EEA1: variants seen among roughly 807,000 people sequenced by gnomAD.
EEA1 encodes early endosome antigen 1.
Under a neutral mutation model 209.2 loss-of-function variants are expected in EEA1, and 111 were observed. The ratio of observed to expected loss-of-function variants is 0.53; its 90% confidence interval spans 0.45 to 0.62. EEA1 has a LOEUF of 0.62. EEA1 is among the 20% of genes least tolerant of loss of function. EEA1 has a pLI of 0.00. For missense variants in EEA1, 1,343 were observed against 1,530.8 expected (o/e 0.88, Z 2.05); for synonymous variants, 536 against 540.6 (o/e 0.99, Z 0.12).
At chr12:92,886,470 A>T (rs1388074907) in intron 2 of EEA1, among the ~76,000 whole-genome samples, 2 of 48,656 alleles carry the variant, frequency 4.1e-5, no homozygotes, top group South Asian at 3.0e-3. Context: ...AGGGGAGAGG[A>T]GGGGAAAGGA....
intron 15 of EEA1, among the ~76,000 whole-genome samples, chr12:92,814,606 C>CGG (rs11374808): frequency 1.5e-3 from 75 of 50,178 alleles, no homozygotes; most frequent in African/African-American, 2.7e-3. Context: ...TGATGGGGGG[C>CGG]GGGGGGGGAA....
intron 15 of EEA1, among the ~76,000 whole-genome samples, chr12:92,815,014 T>G (rs542720143): frequency 6.6e-6 from 1 of 152,276 alleles, no homozygotes; most frequent in Admixed American, 6.5e-5. Context: ...AGCACTAGGT[T>G]TTTCTCAGAG....
chr12:92,831,834 C>A (rs1175409343), intron 11 of EEA1, among the ~76,000 whole-genome samples: 1 of 151,024 alleles, frequency 6.6e-6, no homozygotes, highest in Non-Finnish European at 1.5e-5. Flanking sequence ...GCCTGTAATC[C>A]CAGCACTTTG....
At chr12:92,797,053 T>C (rs146280750) in intron 21 of EEA1, among the ~76,000 whole-genome samples, 2,032 of 152,270 alleles carry the variant, frequency 0.013, 45 homozygotes, top group African/African-American at 0.047. Context: ...AAATAGTTGT[T>C]TTACTGTATT....
At chr12:92,808,238 G>A (rs995543712) in intron 18 of EEA1, among the ~76,000 whole-genome samples, 10 of 152,132 alleles carry the variant, frequency 6.6e-5, no homozygotes, top group African/African-American at 2.2e-4. Context: ...GTATTGACTA[G>A]AAGGGCAAGT....
At chr12:92,912,334 A>G (rs1162410166) in intron 1 of EEA1, among the ~76,000 whole-genome samples, 1 of 152,008 alleles carries the variant, frequency 6.6e-6, no homozygotes, top group African/African-American at 2.4e-5. Flanking sequence ...CCTCCCCTAC[A>G]TAAACTCTGG....
chr12:92,879,948 T>C (rs1316302292), intron 2 of EEA1, among the ~76,000 whole-genome samples: 1 of 152,170 alleles, frequency 6.6e-6, no homozygotes, highest in Non-Finnish European at 1.5e-5. Context: ...CCCACAGACT[T>C]ATCCAAACAA....
chr12:92,862,104 C>A (rs1367415522), intron 3 of EEA1, among the ~76,000 whole-genome samples: 1 of 152,166 alleles, frequency 6.6e-6, no homozygotes, highest in Non-Finnish European at 1.5e-5. Context: ...ATCTAAAAGA[C>A]ATAGCCTGCT....
At chr12:92,900,615 G>A (rs968749141) in intron 1 of EEA1, among the ~76,000 whole-genome samples, 17 of 150,934 alleles carry the variant, frequency 1.1e-4, no homozygotes, top group East Asian at 7.7e-4. Context: ...AGTAAATGGC[G>A]AAAATGTTTT....
chr12:92,780,712 A>G (rs1053219089), intron 23 of EEA1, among the ~76,000 whole-genome samples: 8 of 152,190 alleles, frequency 5.3e-5, no homozygotes, highest in Admixed American at 5.2e-4. Flanking sequence ...TTTTATTACT[A>G]TCACTATCTT....
chr12:92,842,513 T>G lies in EEA1; in HGVS notation c.867A>C (p.Glu289Asp), dbSNP rs754472349. 3.7e-6 allele frequency: 6 copies of G among 1,609,956 alleles called. No individual in the cohort carries two copies. The Admixed American group carries it at 1.0e-4, about 27-fold the overall frequency. ...GPQEVAVYVQ[E>D]LQKLKSSVNE... ...TAACTGAACTTTTCAGTTTTTGTAG[T>G]TCCTGTACATATACAGCAACTTCCT... is the stretch of plus-strand genomic sequence containing the variant. Residue 289 changes from glutamate to aspartate, a missense_variant, in exon 10 of 29, where the codon GAA becomes GAC. Glu to Asp is a conservative substitution (Grantham distance 45). Transcript: ENST00000322349.
intron 2 of EEA1, among the ~76,000 whole-genome samples, chr12:92,877,751 T>C (rs1319697078): frequency 6.6e-6 from 1 of 152,092 alleles, no homozygotes; most frequent in African/African-American, 2.4e-5. Context: ...GATCTCGTGA[T>C]CTTGGCCTCC....
intron 3 of EEA1, among the ~76,000 whole-genome samples, chr12:92,857,922 A>G (rs1025901676): frequency 6.6e-6 from 1 of 152,192 alleles, no homozygotes; most frequent in Non-Finnish European, 1.5e-5. Flanking sequence ...TCCATCTTTC[A>G]TACTGAGAAA....
intron 2 of EEA1, chr12:92,884,843 C>G (rs1316481464): frequency 1.2e-5 from 8 of 645,018 alleles, no homozygotes; most frequent in Non-Finnish European, 2.3e-5. Flanking sequence ...TAGACAAATA[C>G]TCATGGGTAT....
chr12:92,928,943 G>T, intron 1 of EEA1, 100 bp downstream of exon 1: 1 of 1,323,136 alleles, frequency 7.6e-7, no homozygotes, highest in Non-Finnish European at 1.0e-6. Flanking sequence ...GGGGCCTAGG[G>T]AAGGAAGGAG....
chr12:92,906,018 C>T (rs1012673084), intron 1 of EEA1, among the ~76,000 whole-genome samples: 2 of 151,992 alleles, frequency 1.3e-5, no homozygotes, highest in Admixed American at 1.3e-4. Context: ...GCCATCCTCC[C>T]GCCTCAGCCT....
In EEA1 at chr12:92,781,994, A is replaced by G; in HGVS notation, c.3292T>C (p.Leu1098=). The G allele has an allele frequency of 6.2e-7, 1 of 1,613,352 alleles. No homozygotes were observed. The highest frequency in any genetic ancestry group is 8.5e-7 in the Non-Finnish European group (1 of 1,179,548). ...EQDSAKKEQQ[L]QERCKALQDI... Reference sequence around the variant, plus strand: ...TGTAGTGCTTTACATCGCTCCTGCAATTGCTGTTCTTTCTTTGCTGAATCC... The same window carrying G: ...TGTAGTGCTTTACATCGCTCCTGCAGTTGCTGTTCTTTCTTTGCTGAATCC... The change falls in exon 23 of 29, where the codon TTG becomes CTG. Residue 1098 remains leucine, a synonymous_variant. Coordinates refer to ENST00000322349, the MANE Select transcript of EEA1 (RefSeq NM_003566.4).
At chr12:92,840,051 T>C (rs1439789990) in intron 10 of EEA1, among the ~76,000 whole-genome samples, 1 of 152,230 alleles carries the variant, frequency 6.6e-6, no homozygotes, top group African/African-American at 2.4e-5. Context: ...TTCAAGCTCA[T>C]ACACATGGCT....
intron 19 of EEA1, among the ~76,000 whole-genome samples, chr12:92,802,093 T>C (rs1380725807): frequency 3.3e-5 from 5 of 151,916 alleles, no homozygotes; most frequent in Non-Finnish European, 5.9e-5. Flanking sequence ...ATGATCACAA[T>C]AGGAAAAGTG....
Sources: allele counts gnomAD v4.1 joint callset (sites outside exome capture counted in the v4.1 genomes callset), GRCh38; gene constraint gnomAD v4.1.1; transcripts MANE v1.5; gene names NCBI Gene and HGNC (gene_info 2026-07-23, HGNC 2026-07-21).